Variants in KCNH5 observed in about 807,000 individuals in gnomAD.
KCNH5 encodes the protein potassium voltage-gated channel subfamily H member 5.
A neutral mutation model predicts 96.1 loss-of-function variants in KCNH5; 46 were observed. That is an observed-to-expected ratio of 0.48 (90% CI 0.38 to 0.61). The LOEUF is 0.61. Ranked by LOEUF, KCNH5 falls within the 20% of genes least tolerant of loss-of-function variation. The pLI is 0.00. For missense variants in KCNH5, 907 were observed against 1,225.8 expected (o/e 0.74, Z 3.88); for synonymous variants, 439 against 449.8 (o/e 0.98, Z 0.30).
intron 7 of KCNH5, among the ~76,000 whole-genome samples, chr14:62,899,426 AAAAT>A (rs533687700): frequency 3.3e-5 from 5 of 152,096 alleles, no homozygotes; most frequent in African/African-American, 9.7e-5. Context: ...ATCTCGCCAA[AAAAT>A]AAATAAATAA....
intron 7 of KCNH5, among the ~76,000 whole-genome samples, chr14:62,897,304 G>A (rs1366003654): frequency 1.3e-5 from 2 of 152,182 alleles, no homozygotes; most frequent in Non-Finnish European, 2.9e-5. Context: ...AGTAACAGAT[G>A]TCTGATCTGG....
intron 1 of KCNH5, among the ~76,000 whole-genome samples, chr14:63,017,404 C>CAG (rs1891346156): frequency 6.6e-6 from 1 of 151,716 alleles, no homozygotes; most frequent in African/African-American, 2.4e-5. Context: ...ATATTGCTGA[C>CAG]ATGATGGAAC....
Position 62,707,557 on chromosome 14 carries a change from A to C in KCNH5, c.2918T>G (p.Val973Gly). ...AGATTCAGGTGATTCAGGCCTTGAG[A>C]CACTAAAAATATCCTGACATGGTAT... ...PQIPCQDIFS[V>G]SRPESPESDK... The change falls in exon 11 of 11, where the codon GTC becomes GGC. Residue 973 changes from valine (V) to glycine (G), a missense_variant. Val to Gly is a moderately radical substitution (Grantham distance 109). Transcript: ENST00000322893. 1 of 1,502,722 alleles carries C rather than the reference A, an allele frequency of 6.7e-7. No homozygotes were observed. The highest frequency in any genetic ancestry group is 1.4e-5 in the South Asian group (1 of 69,642). 93.1% of individuals were successfully genotyped at this position (1,502,722 alleles called of 1,614,324 possible). A position where few individuals can be genotyped will look rare whatever the true frequency, so the allele number is the denominator to read the frequency against.
chr14:62,920,264 T>C (rs556183191), intron 7 of KCNH5, among the ~76,000 whole-genome samples: 1 of 152,026 alleles, frequency 6.6e-6, no homozygotes, highest in East Asian at 1.9e-4. Context: ...AGGATACTAA[T>C]GTATGTCAGT....
At chr14:62,968,360 G>A (rs1266379422) in intron 6 of KCNH5, among the ~76,000 whole-genome samples, 54 of 152,092 alleles carry the variant, frequency 3.6e-4, no homozygotes, top group Non-Finnish European at 5.9e-5. Context: ...ACTGTGTCTT[G>A]TTCATCTTTG....
chr14:62,743,938 C>T (rs1885324857), intron 10 of KCNH5, among the ~76,000 whole-genome samples: 1 of 152,074 alleles, frequency 6.6e-6, no homozygotes, highest in Admixed American at 6.6e-5. Context: ...AATAAACAGC[C>T]AAGTTTTTGA....
intron 10 of KCNH5, among the ~76,000 whole-genome samples, chr14:62,721,346 T>C (rs1884809941): frequency 6.6e-6 from 1 of 152,226 alleles, no homozygotes; most frequent in Admixed American, 6.5e-5. Flanking sequence ...TGTAATTTTC[T>C]CAAAAACTTT....
rs558984100 is a variant in KCNH5, at chr14:62,735,905, G to A, written c.2020-27450C>T. ...AGACACATAGTGGGGAAATAGCCAG[G>A]TGGCTGGAGTGATCCCTCTACCAGC... On this transcript the variant is annotated intron_variant, in intron 10 of 10. Transcript: ENST00000322893. 3.3e-5 allele frequency among the ~76,000 whole-genome samples: 5 copies of A among 152,326 alleles called. No homozygotes were observed. In the South Asian group the frequency reaches 1.0e-3, roughly 32 times the overall value.
At position 62,848,771 on chromosome 14, in the gene KCNH5, CAA is replaced by C. The variant is rs74791242; in HGVS notation, c.1569+880_1569+881del. 2.4e-3 allele frequency among the ~76,000 whole-genome samples: 352 copies of C among 146,116 alleles called. 2 individuals are homozygous for C. Among genetic ancestry groups the C allele is most frequent in the African/African-American group, 8.6e-3 (342 of 39,808 alleles). On this transcript the variant is annotated intron_variant, in intron 8 of 10. Coordinates refer to ENST00000322893, the MANE Select transcript of KCNH5 (RefSeq NM_139318.5). ...AGTCAACCTCACAAGGTTAAAAGAA[CAA>C]AAAAAAAAATTGTGGGAAATGGCCA... is the stretch of plus-strand genomic sequence containing the variant.
chr14:62,787,363 G>T (rs1357279121), intron 9 of KCNH5, among the ~76,000 whole-genome samples: 1 of 152,164 alleles, frequency 6.6e-6, no homozygotes, highest in Non-Finnish European at 1.5e-5. Flanking sequence ...CTAAGAGAGG[G>T]GAGGAAGCTG....
chr14:62,802,197 G>T, intron 9 of KCNH5, 132 bp downstream of exon 9: 1 of 797,860 alleles, frequency 1.3e-6, no homozygotes, highest in Non-Finnish European at 2.0e-6. Context: ...TTTTCATTAA[G>T]ATTCACGTCT....
intron 6 of KCNH5, among the ~76,000 whole-genome samples, chr14:62,952,825 C>T (rs1890032872): frequency 6.6e-6 from 1 of 152,068 alleles, no homozygotes; most frequent in Admixed American, 6.6e-5. Flanking sequence ...CTCTAGCAAG[C>T]AGATTGCTCC....
At chr14:63,009,080 T>C (rs990806631) in intron 2 of KCNH5, among the ~76,000 whole-genome samples, 7 of 152,112 alleles carry the variant, frequency 4.6e-5, no homozygotes, top group African/African-American at 1.7e-4. Context: ...AAATGACAGG[T>C]GTCTGTGGTT....
At chr14:62,727,457 G>C (rs1380421533) in intron 10 of KCNH5, among the ~76,000 whole-genome samples, 6 of 152,140 alleles carry the variant, frequency 3.9e-5, no homozygotes, top group Non-Finnish European at 5.9e-5. Context: ...CATGTTTCCT[G>C]TTCTGTTTCT....
intron 1 of KCNH5, among the ~76,000 whole-genome samples, chr14:63,033,332 C>T (rs1331826143): frequency 1.3e-5 from 2 of 152,240 alleles, no homozygotes; most frequent in African/African-American, 4.8e-5. Flanking sequence ...GTTTAAGCTT[C>T]ACAAACTTAG....
chr14:62,925,593 A>G (rs17100528), intron 7 of KCNH5, among the ~76,000 whole-genome samples: 7,953 of 152,138 alleles, frequency 0.052, 685 homozygotes, highest in African/African-American at 0.18. Flanking sequence ...AAAGACAGAA[A>G]AATAAAATAT....
intron 9 of KCNH5, among the ~76,000 whole-genome samples, chr14:62,792,156 T>G (rs1433980250): frequency 6.6e-6 from 1 of 151,594 alleles, no homozygotes; most frequent in South Asian, 2.1e-4. Context: ...ATAGTTTTAT[T>G]AGAATAAAAT....
Position 62,708,394 on chromosome 14 carries a change from T to G in KCNH5, c.2081A>C (p.Asn694Thr). The G allele has an allele frequency of 6.2e-7, 1 of 1,612,626 alleles. No homozygotes were observed. Among genetic ancestry groups the G allele is most frequent in the Admixed American group, 1.7e-5 (1 of 60,024 alleles). Reference sequence around the variant, plus strand: ...CACGGGAATGCTGAGGGTCACCTCATTCTTCTGCCGGAGGCGCTCCTCCTC... The same window carrying G: ...CACGGGAATGCTGAGGGTCACCTCAGTCTTCTGCCGGAGGCGCTCCTCCTC... ...KEEEERLRQK[N>T]EVTLSIPVDH... is the part of the protein sequence containing the mutation. Residue 694 changes from asparagine (N) to threonine (T), a missense_variant, in exon 11 of 11, where the codon AAT becomes ACT. Physicochemically the swap from Asn to Thr is moderately conservative, Grantham distance 65. Coordinates refer to ENST00000322893, the MANE Select transcript of KCNH5 (RefSeq NM_139318.5).
intron 8 of KCNH5, among the ~76,000 whole-genome samples, chr14:62,849,282 C>A (rs959790687): frequency 1.3e-4 from 19 of 151,742 alleles, no homozygotes; most frequent in Admixed American, 3.9e-4. Context: ...TTTAAATGAG[C>A]AAAAAAGGCA....
Sources: gnomAD v4.1 joint callset for allele counts (sites outside exome capture counted in the v4.1 genomes callset) on GRCh38, gnomAD v4.1.1 for gene constraint, MANE v1.5 for transcripts, NCBI Gene and HGNC (gene_info 2026-07-23, HGNC 2026-07-21) for gene names.